RPH3A: variants seen among roughly 807,000 people sequenced by gnomAD.
The protein encoded by RPH3A is rabphilin 3A, also known as rabphilin-3A.
Under a neutral mutation model 102.2 loss-of-function variants are expected in RPH3A, and 48 were observed. The ratio of observed to expected loss-of-function variants is 0.47; its 90% confidence interval spans 0.37 to 0.60. RPH3A has a LOEUF of 0.60. RPH3A is among the 20% of genes least tolerant of loss of function. RPH3A has a pLI of 0.00. For missense variants in RPH3A, 781 were observed against 910.1 expected (o/e 0.86, Z 1.83); for synonymous variants, 310 against 324.3 (o/e 0.96, Z 0.47).
rs1016494212 is a variant in RPH3A at position 112,898,165 on chromosome 12, G to A, written c.*1385G>A. On this transcript the variant is annotated 3_prime_UTR_variant, in exon 22 of 22. Coordinates refer to ENST00000389385, the MANE Select transcript of RPH3A (RefSeq NM_001143854.2). Reference sequence around the variant, plus strand: ...TGGAACAGTAGAGAGAGACAGGCCTGATGCCAAAGGCTTTGGGCTCATCAT... The same window carrying A: ...TGGAACAGTAGAGAGAGACAGGCCTAATGCCAAAGGCTTTGGGCTCATCAT... 2.0e-5 allele frequency: 3 copies of A among 152,180 alleles called. No homozygotes were observed. Among genetic ancestry groups the A allele is most frequent in the Non-Finnish European group, 4.4e-5 (3 of 68,036 alleles). The allele number at this position is 152,180 out of a possible 1,614,324, so 9.4% of individuals were successfully genotyped here. A position where few individuals can be genotyped will look rare whatever the true frequency, so the allele number is the denominator to read the frequency against.
At chr12:112,651,473 T>C (rs2039974819) in intron 1 of RPH3A, among the ~76,000 whole-genome samples, 2 of 152,194 alleles carry the variant, frequency 1.3e-5, no homozygotes, top group Non-Finnish European at 2.9e-5. Flanking sequence ...AAAAACTTCA[T>C]TATATTATCT....
At chr12:112,800,926 T>G (rs2041335370) in intron 2 of RPH3A, among the ~76,000 whole-genome samples, 1 of 152,116 alleles carries the variant, frequency 6.6e-6, no homozygotes, top group Non-Finnish European at 1.5e-5. Flanking sequence ...CCACGCTAGC[T>G]AAAATGCACG....
intron 1 of RPH3A, among the ~76,000 whole-genome samples, chr12:112,667,059 G>A (rs1420640717): frequency 1.3e-5 from 2 of 152,088 alleles, no homozygotes; most frequent in Non-Finnish European, 2.9e-5. Context: ...CCACTCTCTG[G>A]TTCTCTGCTC....
rs78468285 is a variant in RPH3A, at chr12:112,617,288, C to T, written c.-140+41969C>T. ...CATGTAATTAAGACTTGCAAATCCA[C>T]GCTGCTGAGGTGTTGGTGGCAGTAT... On this transcript the variant is annotated intron_variant, in intron 1 of 21. Coordinates refer to the RPH3A transcript ENST00000543106. 1.4e-3 allele frequency among the ~76,000 whole-genome samples: 219 copies of T among 152,308 alleles called. 2 individuals carry two copies. Among genetic ancestry groups the T allele is most frequent in the African/African-American group, 4.9e-3 (202 of 41,564 alleles).
chr12:112,813,832 T>G (rs552317045), intron 2 of RPH3A, among the ~76,000 whole-genome samples: 97 of 152,294 alleles, frequency 6.4e-4, no homozygotes, highest in Non-Finnish European at 1.1e-3. Context: ...AGCTGGGGGT[T>G]GAACACAGGT....
chr12:112,606,702 G>A (rs1160356884), intron 1 of RPH3A, among the ~76,000 whole-genome samples: 1 of 152,180 alleles, frequency 6.6e-6, no homozygotes, highest in African/African-American at 2.4e-5. Context: ...TTACAATCAT[G>A]GTGGAAGGTG....
intron 1 of RPH3A, among the ~76,000 whole-genome samples, chr12:112,588,985 G>C (rs962648912): frequency 6.6e-6 from 1 of 152,132 alleles, no homozygotes. Context: ...ATTAAATTAG[G>C]GGAGGAGAAA....
chr12:112,880,567 A>G (rs1312572976), intron 14 of RPH3A, among the ~76,000 whole-genome samples: 1 of 152,154 alleles, frequency 6.6e-6, no homozygotes, highest in Non-Finnish European at 1.5e-5. Context: ...ATGAAGCAGG[A>G]GTTGCTGCCA....
At chr12:112,597,825 G>A (rs2039528736) in intron 1 of RPH3A, among the ~76,000 whole-genome samples, 1 of 152,156 alleles carries the variant, frequency 6.6e-6, no homozygotes, top group African/African-American at 2.4e-5. Flanking sequence ...TATAGAAGGA[G>A]CATAGACTGG....
In RPH3A at chr12:112,896,828, G is replaced by A; in HGVS notation, c.*48G>A. ...CCATGTCCCGGGTCCCCCCCAGCCT[G>A]CTCTAGCTGCCCACCGCACCCTGAT... On this transcript the variant is annotated 3_prime_UTR_variant, in exon 22 of 22. Coordinates refer to ENST00000389385, the MANE Select transcript of RPH3A (RefSeq NM_001143854.2). The A allele has an allele frequency of 6.2e-7, 1 of 1,607,284 alleles. No homozygotes were observed. The highest frequency in any genetic ancestry group is 8.5e-7 in the Non-Finnish European group (1 of 1,176,246).
chr12:112,798,713 C>T (rs4285936), intron 2 of RPH3A, among the ~76,000 whole-genome samples: 9,167 of 152,060 alleles, frequency 0.06, 937 homozygotes, highest in African/African-American at 0.21. Context: ...GGTGCTAAGC[C>T]CCTAAGTCTC....
At chr12:112,813,348 T>C (rs549427907) in intron 2 of RPH3A, 1 of 152,352 alleles carries the variant, frequency 6.6e-6, no homozygotes, top group East Asian at 1.9e-4. Flanking sequence ...AGAGGAAGAT[T>C]GTGGTCCATT....
At chr12:112,577,410 C>T (rs1238181621) in intron 1 of RPH3A, among the ~76,000 whole-genome samples, 4 of 152,154 alleles carry the variant, frequency 2.6e-5, no homozygotes, top group Admixed American at 2.6e-4. Context: ...GTGAGTGTGT[C>T]TCTTAGCATG....
chr12:112,632,645 G>A (rs1308018741), intron 1 of RPH3A, among the ~76,000 whole-genome samples: 1 of 152,202 alleles, frequency 6.6e-6, no homozygotes. Flanking sequence ...TTACAGAGAA[G>A]ATACCACAAA....
intron 1 of RPH3A, among the ~76,000 whole-genome samples, chr12:112,606,324 A>T (rs145199837): frequency 6.6e-6 from 1 of 152,158 alleles, no homozygotes; most frequent in Admixed American, 6.5e-5. Context: ...TCTAGTTCTC[A>T]TATGCTATAA....
intron 2 of RPH3A, among the ~76,000 whole-genome samples, chr12:112,826,382 G>A (rs2041873408): frequency 6.6e-6 from 1 of 152,164 alleles, no homozygotes; most frequent in Admixed American, 6.5e-5. Context: ...TAGTCTAGGA[G>A]CAACAGGGAG....
intron 1 of RPH3A, among the ~76,000 whole-genome samples, chr12:112,746,250 G>A (rs1391083145): frequency 1.3e-5 from 2 of 151,982 alleles, no homozygotes; most frequent in Non-Finnish European, 2.9e-5. Flanking sequence ...CTCTCCTGTG[G>A]CAAACATACA....
At chr12:112,788,483 C>G (rs2041065849), upstream of RPH3A, among the ~76,000 whole-genome samples, 1 of 152,168 alleles carries the variant, frequency 6.6e-6, no homozygotes, top group Non-Finnish European at 1.5e-5. Flanking sequence ...GATTTGCATC[C>G]CTGCCTCTGC....
At chr12:112,885,263 G>A (rs894268371) in intron 16 of RPH3A, among the ~76,000 whole-genome samples, 3 of 152,310 alleles carry the variant, frequency 2.0e-5, no homozygotes, top group African/African-American at 4.8e-5. Flanking sequence ...ATATGGGTAC[G>A]TCCAGCTTTA....
Sources: gnomAD v4.1 joint callset for allele counts (sites outside exome capture counted in the v4.1 genomes callset) on GRCh38, gnomAD v4.1.1 for gene constraint, MANE v1.5 for transcripts, NCBI Gene and HGNC (gene_info 2026-07-23, HGNC 2026-07-21) for gene names.